The following CDH23 variants were observed in gnomAD, a reference collection of about 807,000 sequenced individuals.
CDH23 encodes cadherin related 23, also known as cadherin-23.
A neutral mutation model predicts 317.1 loss-of-function variants in CDH23; 189 were observed. The observed-to-expected ratio is 0.60, with a 90% confidence interval of 0.53 to 0.67. CDH23 has a LOEUF of 0.67. Ranked by LOEUF, CDH23 falls within the 30% of genes least tolerant of loss-of-function variation. The probability of loss-of-function intolerance (pLI) is 0.00; values close to 1 mark genes in which losing one functional copy is unlikely to be tolerated. For synonymous variants in CDH23, 1,839 were observed against 1,876.8 expected, an observed-to-expected ratio of 0.98 and a Z score of 0.52; for missense variants, 4,401 against 4,592.4, an observed-to-expected ratio of 0.96 and a Z score of 1.20.
intron 6 of CDH23, among the ~76,000 whole-genome samples, chr10:71,547,452 A>G (rs4747167): frequency 0.84 from 127,211 of 152,302 alleles, 53,832 homozygotes; most frequent in East Asian, 1. Flanking sequence ...CAGGCCAGGC[A>G]GCGCAGGTGT....
Position 71,811,895 on chromosome 10 carries a change from A to C in CDH23, c.9320-60A>C, listed in dbSNP as rs1361553965. The C allele has an allele frequency of 7.0e-5, 112 of 1,598,666 alleles. No homozygotes were observed. In the Middle Eastern group the frequency reaches 1.8e-3, roughly 26 times the overall value. ...GCACCCCATCCTCCCTCACCCCCCA[A>C]CACCACCCCTACCCCTGGCTATGCC... On this transcript the variant is annotated intron_variant, in intron 65 of 69. Transcript: ENST00000224721.
chr10:71,449,811 C>T (rs1208248825), intron 3 of CDH23, among the ~76,000 whole-genome samples: 1 of 152,192 alleles, frequency 6.6e-6, no homozygotes, highest in Non-Finnish European at 1.5e-5. Flanking sequence ...GGCCAGTGGC[C>T]TGGGAGCAGA....
intron 14 of CDH23, among the ~76,000 whole-genome samples, chr10:71,668,800 G>C (rs1864020154): frequency 6.6e-6 from 1 of 152,150 alleles, no homozygotes; most frequent in African/African-American, 2.4e-5. Context: ...CCCCACCACA[G>C]GCTCCTCCAA....
chr10:71,653,884 G>A lies in CDH23; in HGVS notation c.1449+7267G>A, dbSNP rs189170151. 5.9e-5 allele frequency among the ~76,000 whole-genome samples: 9 copies of A among 152,330 alleles called. No homozygotes were observed. The East Asian group carries it at 1.5e-3, about 26-fold the overall frequency. ...GTGTATTAGAAGGCACTGGGTAAAT[G>A]GCAGGTGTCTTATCTGGGAGTCGGT... On this transcript the variant is annotated intron_variant, in intron 14 of 69. Transcript: ENST00000224721.
Position 71,812,462 on chromosome 10 carries a change from T to C in CDH23, c.9381-18T>C, listed in dbSNP as rs759689254. The C allele has an allele frequency of 3.8e-6, 6 of 1,581,882 alleles. No individual in the cohort carries two copies. The highest frequency in any genetic ancestry group is 4.3e-6 in the Non-Finnish European group (5 of 1,160,354). ...GAGCCTTCCCTCCCTCCCCACCCTT[T>C]TCCCTCCCCAACTGCAGAGCCAACC... On this transcript the variant is annotated intron_variant, in intron 66 of 69. Coordinates refer to ENST00000224721, the MANE Select transcript of CDH23 (RefSeq NM_022124.6).
At chr10:71,721,094 C>T (rs1866535196) in intron 28 of CDH23, among the ~76,000 whole-genome samples, 1 of 152,186 alleles carries the variant, frequency 6.6e-6, no homozygotes, top group Non-Finnish European at 1.5e-5. Context: ...TGACAGAAGA[C>T]AAAGCTTCCA....
rs765599852 is a variant in CDH23, at chr10:71,785,076, G to T, written c.5688G>T (p.Glu1896Asp). ...TCAACATCACTGCGGGCAACCGCGA[G>T]CGGGCCTTCTTCATCAATGCCACGG... ...LTFNITAGNR[E>D]RAFFINATTG... The change falls in exon 43 of 70, where the codon GAG (glutamate) becomes GAT (aspartate). Residue 1896 changes from glutamate to aspartate, a missense_variant. Physicochemically the swap from Glu to Asp is conservative, Grantham distance 45. Around this residue, in one of 3 missense-constraint regions of CDH23, gnomAD observed 3,068 missense variants for 3,203.3 expected, o/e 0.96. Transcript: ENST00000224721. 3 of 1,614,028 alleles carry T rather than the reference G, an allele frequency of 1.9e-6. No individual in the cohort carries two copies. Among genetic ancestry groups the T allele is most frequent in the Non-Finnish European group, 2.5e-6 (3 of 1,179,840 alleles).
chr10:71,694,284 C>T (rs932768386), intron 21 of CDH23, 25 bp downstream of exon 21: 15 of 1,569,846 alleles, frequency 9.6e-6, no homozygotes, highest in Non-Finnish European at 1.3e-5. Flanking sequence ...CTCCCGTGCC[C>T]CAGCTCCCCC....
At chr10:71,427,246 G>GAAAGAAAGAAAGAAAGA in intron 1 of CDH23, among the ~76,000 whole-genome samples, 1 of 17,330 alleles carries the variant, frequency 5.8e-5, no homozygotes, top group East Asian at 2.2e-3. Context: ...AGAAAGAAAG[G>GAAAGAAAGAAAGAAAGA]GAAAGAAAGA....
intron 38 of CDH23, among the ~76,000 whole-genome samples, chr10:71,768,719 A>G (rs958546742): frequency 6.6e-6 from 1 of 151,616 alleles, no homozygotes; most frequent in Non-Finnish European, 1.5e-5. Flanking sequence ...GCTTCAAGAG[A>G]TCCTCCCACC....
At chr10:71,691,088 T>A (rs1865169186) in intron 20 of CDH23, among the ~76,000 whole-genome samples, 1 of 152,118 alleles carries the variant, frequency 6.6e-6, no homozygotes, top group East Asian at 1.9e-4. Flanking sequence ...TAAAAAAAAT[T>A]ACCATCATTA....
intron 1 of CDH23, among the ~76,000 whole-genome samples, chr10:71,406,410 G>T (rs145828706): frequency 3.3e-5 from 5 of 152,266 alleles, no homozygotes; most frequent in Non-Finnish European, 7.4e-5. Flanking sequence ...CTGGGGCCAG[G>T]TAAATGCAAA....
At position 71,646,571 on chromosome 10, in the gene CDH23, G is replaced by A; in HGVS notation, c.1403G>A (p.Ser468Asn). 2 of 1,614,008 alleles carry A rather than the reference G, an allele frequency of 1.2e-6. No homozygotes were observed. Among genetic ancestry groups the A allele is most frequent in the Non-Finnish European group, 1.7e-6 (2 of 1,179,902 alleles). ...TTCAGCCAGCCACTGTACAACATCA[G>A]CCTGTACGAGAACGTCACCGTGGGG... Reference protein sequence around the residue: ...PIFSQPLYNISLYENVTVGTS... With the variant: ...PIFSQPLYNINLYENVTVGTS... The change falls in exon 14 of 70, where the codon AGC becomes AAC. Residue 468 changes from serine (S) to asparagine (N), a missense_variant. This residue lies in a region of CDH23 where 3,068 missense variants were observed against 3,203.3 expected (regional missense o/e 0.96). Coordinates refer to ENST00000224721, the MANE Select transcript of CDH23 (RefSeq NM_022124.6).
chr10:71,538,865 G>A (rs1275355311), intron 6 of CDH23, among the ~76,000 whole-genome samples: 1 of 152,218 alleles, frequency 6.6e-6, no homozygotes, highest in African/African-American at 2.4e-5. Flanking sequence ...AGGAAACCAA[G>A]GCTGGAGGCA....
At chr10:71,442,678 G>T (rs906387714) in intron 2 of CDH23, among the ~76,000 whole-genome samples, 1 of 152,190 alleles carries the variant, frequency 6.6e-6, no homozygotes, top group Non-Finnish European at 1.5e-5. Flanking sequence ...GGCCTGGGCA[G>T]GCCTGCCCCA....
chr10:71,787,876 C>T (rs1472048835), intron 44 of CDH23, among the ~76,000 whole-genome samples: 2 of 152,128 alleles, frequency 1.3e-5, no homozygotes, highest in East Asian at 1.9e-4. Flanking sequence ...TTTGATATAA[C>T]GATGTATTTC....
chr10:71,468,802 G>A (rs929599410), intron 3 of CDH23, among the ~76,000 whole-genome samples: 2 of 152,168 alleles, frequency 1.3e-5, no homozygotes, highest in African/African-American at 2.4e-5. Flanking sequence ...CCCCTCTGCC[G>A]GGGCCCGGCA....
At chr10:71,487,776 C>T (rs116087125) in intron 3 of CDH23, among the ~76,000 whole-genome samples, 1,611 of 152,278 alleles carry the variant, frequency 0.011, 21 homozygotes, top group African/African-American at 0.031. Context: ...GAACCCCATG[C>T]CTAGACACCC....
intron 1 of CDH23, among the ~76,000 whole-genome samples, chr10:71,427,714 T>C (rs1849168538): frequency 7.5e-6 from 1 of 133,086 alleles, no homozygotes; most frequent in South Asian, 2.5e-4. Context: ...CTATGCTTAC[T>C]TTTTTTTTTT....
Sources: allele counts gnomAD v4.1 joint callset (sites outside exome capture counted in the v4.1 genomes callset), GRCh38; gene constraint gnomAD v4.1.1; regional missense constraint gnomAD v4.1.1; transcripts MANE v1.5; gene names NCBI Gene and HGNC (gene_info 2026-07-23, HGNC 2026-07-21).